NRXN3: variants seen among roughly 807,000 people sequenced by gnomAD.
NRXN3 encodes the protein neurexin III.
A neutral mutation model predicts 137.6 loss-of-function variants in NRXN3; 32 were observed. The observed-to-expected ratio is 0.23, with a 90% confidence interval of 0.18 to 0.31. The LOEUF is 0.31. Ranked by LOEUF, NRXN3 falls within the 10% of genes least tolerant of loss-of-function variation. The pLI is 1.00. For missense variants in NRXN3, 1,574 were observed against 2,062.5 expected (o/e 0.76, Z 4.59); for synonymous variants, 798 against 784.5 (o/e 1.02, Z -0.29).
At chr14:78,544,037 A>G (rs1188700588) in intron 4 of NRXN3, among the ~76,000 whole-genome samples, 1 of 152,184 alleles carries the variant, frequency 6.6e-6, no homozygotes, top group African/African-American at 2.4e-5. Flanking sequence ...TTGGCCAAGG[A>G]TTACTTCATG....
intron 10 of NRXN3, among the ~76,000 whole-genome samples, chr14:78,887,736 G>T (rs1047580487): frequency 1.3e-5 from 2 of 152,128 alleles, no homozygotes; most frequent in African/African-American, 4.8e-5. Context: ...AAAGAAGAAA[G>T]AAATGGCTTC....
intron 4 of NRXN3, among the ~76,000 whole-genome samples, chr14:78,322,067 C>T (rs1240317079): frequency 6.6e-6 from 1 of 152,008 alleles, no homozygotes; most frequent in Non-Finnish European, 1.5e-5. Flanking sequence ...GCACTACCCT[C>T]AATCTGCATA....
In NRXN3 at chr14:79,802,653, C is replaced by T. The variant is rs573349501; in HGVS notation, c.4015-2459C>T. On this transcript the variant is annotated intron_variant, in intron 19 of 20. Transcript: ENST00000335750. ...AATAGTGTTTTCCTCTTATAATTGC[C>T]GTATTTATTTCAACAGTTAACTCTT... Among the ~76,000 whole-genome samples the T allele has an allele frequency of 7.2e-5, 11 of 152,160 alleles. No homozygotes were observed. In the South Asian group the frequency reaches 1.0e-3, roughly 14 times the overall value.
rs531936534 is a variant in NRXN3 at position 79,683,498 on chromosome 14, A to G, written c.3617-8675A>G. On this transcript the variant is annotated intron_variant, in intron 17 of 20. Coordinates refer to ENST00000335750, the MANE Select transcript of NRXN3 (RefSeq NM_001330195.2). ...ACAGAGAACTATGAAGGGATCTTAA[A>G]GAGACCTGCCTGTGTTCCATCATTT... Among the ~76,000 whole-genome samples the G allele has an allele frequency of 9.8e-5, 15 of 152,334 alleles. No individual in the cohort carries two copies. The South Asian group carries it at 2.7e-3, about 27-fold the overall frequency.
intron 15 of NRXN3, 54 bp downstream of exon 15, chr14:78,988,195 G>A (rs1598274925): frequency 1.2e-6 from 2 of 1,605,506 alleles, no homozygotes; most frequent in African/African-American, 1.3e-5. Context: ...TGGAGATTTG[G>A]AGAATCTTAA....
intron 15 of NRXN3, among the ~76,000 whole-genome samples, chr14:79,067,872 T>A (rs991161160): frequency 1.3e-5 from 2 of 152,062 alleles, no homozygotes; most frequent in African/African-American, 2.4e-5. Flanking sequence ...ATTTGACCCT[T>A]AACATGAAGT....
chr14:78,739,306 A>G (rs971587024), intron 8 of NRXN3, among the ~76,000 whole-genome samples: 4 of 152,202 alleles, frequency 2.6e-5, no homozygotes, highest in Non-Finnish European at 5.9e-5. Context: ...GCTCCACCAC[A>G]CATAGCATGT....
At chr14:79,549,918 G>C (rs777197843) in intron 16 of NRXN3, among the ~76,000 whole-genome samples, 14 of 151,930 alleles carry the variant, frequency 9.2e-5, no homozygotes, top group Non-Finnish European at 1.8e-4. Flanking sequence ...TAGTTGCTCT[G>C]TGACATCCTG....
chr14:79,509,447 C>T (rs1034372346), intron 16 of NRXN3, among the ~76,000 whole-genome samples: 3 of 151,560 alleles, frequency 2.0e-5, no homozygotes, highest in African/African-American at 4.8e-5. Flanking sequence ...ACTCAGGAGG[C>T]GGAGGCTGCA....
chr14:79,119,995 A>G (rs2152919431), intron 15 of NRXN3, among the ~76,000 whole-genome samples: 1 of 152,266 alleles, frequency 6.6e-6, no homozygotes, highest in South Asian at 2.1e-4. Context: ...TGTTTTATGT[A>G]ATAATATTCT....
chr14:78,507,017 C>T (rs1488594272), intron 4 of NRXN3, among the ~76,000 whole-genome samples: 14 of 151,980 alleles, frequency 9.2e-5, no homozygotes, highest in Admixed American at 9.2e-4. Context: ...TGGGAATTAT[C>T]CCTAATGTTG....
intron 15 of NRXN3, among the ~76,000 whole-genome samples, chr14:79,458,117 A>T (rs2153599078): frequency 6.6e-6 from 1 of 152,312 alleles, no homozygotes; most frequent in African/African-American, 2.4e-5. Flanking sequence ...TTTCTGTTGT[A>T]CATCCCTGTT....
At chr14:79,083,138 G>A (rs2047391462) in intron 15 of NRXN3, among the ~76,000 whole-genome samples, 1 of 152,212 alleles carries the variant, frequency 6.6e-6, no homozygotes, top group Non-Finnish European at 1.5e-5. Flanking sequence ...GTGAGATGTT[G>A]TACTAAGTCT....
intron 4 of NRXN3, among the ~76,000 whole-genome samples, chr14:78,324,583 C>G (rs892131632): frequency 1.3e-5 from 2 of 152,048 alleles, no homozygotes; most frequent in Non-Finnish European, 2.9e-5. Context: ...TTTACAGAGA[C>G]AGTTAAACAG....
At chr14:78,283,560 A>G (rs1313675260) in intron 3 of NRXN3, among the ~76,000 whole-genome samples, 1 of 150,064 alleles carries the variant, frequency 6.7e-6, no homozygotes, top group Non-Finnish European at 1.5e-5. Flanking sequence ...CCAGACTGGC[A>G]TGTAATGGTG....
chr14:79,802,564 A>G (rs779379956), intron 19 of NRXN3, among the ~76,000 whole-genome samples: 5 of 152,178 alleles, frequency 3.3e-5, no homozygotes, highest in Non-Finnish European at 5.9e-5. Context: ...CTTTGGTGGG[A>G]GACATTGCCC....
chr14:79,579,722 A>C (rs1458850618), intron 16 of NRXN3, among the ~76,000 whole-genome samples: 2 of 152,126 alleles, frequency 1.3e-5, no homozygotes, highest in Non-Finnish European at 2.9e-5. Flanking sequence ...ATTTTGTTGC[A>C]TGCATAACGT....
chr14:78,231,981 A>T (rs1034374093), intron 1 of NRXN3, among the ~76,000 whole-genome samples: 15 of 152,252 alleles, frequency 9.9e-5, no homozygotes, highest in Admixed American at 9.8e-4. Flanking sequence ...GCTGTGTGTC[A>T]TCTGCTCCTG....
intron 6 of NRXN3, among the ~76,000 whole-genome samples, chr14:78,664,007 T>G (rs2097861319): frequency 6.6e-6 from 1 of 152,234 alleles, no homozygotes. Flanking sequence ...CTGTTCCTCA[T>G]GTGGAGAGTG....
Sources: allele counts gnomAD v4.1 joint callset (sites outside exome capture counted in the v4.1 genomes callset), GRCh38; gene constraint gnomAD v4.1.1; transcripts MANE v1.5; gene names NCBI Gene and HGNC (gene_info 2026-07-23, HGNC 2026-07-21).